Variants in CSMD3 observed in about 807,000 individuals in gnomAD.
CSMD3 encodes the protein CUB and Sushi multiple domains 3, also known as CUB and sushi domain-containing protein 3.
In CSMD3, 177 loss-of-function variants were observed where a neutral mutation model predicts 435.2. The ratio of observed to expected loss-of-function variants is 0.41; its 90% CI spans 0.36 to 0.46. The LOEUF (loss-of-function observed/expected upper bound fraction) is 0.46, where lower values mean the gene tolerates loss of function less well. Ranked by LOEUF, CSMD3 falls within the 20% of genes least tolerant of loss-of-function variation. CSMD3 has a pLI of 0.34. For synonymous variants in CSMD3, 1,656 were observed against 1,520.5 expected (o/e 1.09, Z -2.07); for missense variants, 4,265 against 4,504.6 (o/e 0.95, Z 1.52).
chr8:113,159,121 T>A (rs925654495), intron 4 of CSMD3, among the ~76,000 whole-genome samples: 1 of 152,038 alleles, frequency 6.6e-6, no homozygotes, highest in South Asian at 2.1e-4. Context: ...TTTACAAATA[T>A]TTTTGTTCAT....
At chr8:113,114,877 A>T (rs75373687) in intron 4 of CSMD3, among the ~76,000 whole-genome samples, 1,535 of 152,330 alleles carry the variant, frequency 0.01, 20 homozygotes, top group African/African-American at 0.035. Flanking sequence ...AAGTTTGCAA[A>T]AAGCATCAAG....
intron 13 of CSMD3, among the ~76,000 whole-genome samples, chr8:112,736,524 A>G (rs1440032417): frequency 6.6e-6 from 1 of 151,806 alleles, no homozygotes; most frequent in East Asian, 1.9e-4. Flanking sequence ...TCTCCATTTC[A>G]CTGCTTGGCA....
chr8:112,869,738 T>C (rs927325766), intron 10 of CSMD3, among the ~76,000 whole-genome samples: 5 of 152,148 alleles, frequency 3.3e-5, no homozygotes, highest in Non-Finnish European at 7.3e-5. Flanking sequence ...TGCAGGGACA[T>C]GGATGAAGCT....
chr8:112,483,077 A>T (rs1819787305), intron 31 of CSMD3, among the ~76,000 whole-genome samples: 1 of 152,220 alleles, frequency 6.6e-6, no homozygotes, highest in South Asian at 2.1e-4. Context: ...GACAAAATGT[A>T]AATTATTAAT....
rs560192074 is a variant in CSMD3 at position 113,025,736 on chromosome 8, G to T, written c.918-6557C>A. 2.0e-5 allele frequency among the ~76,000 whole-genome samples: 3 copies of T among 152,248 alleles called. No homozygotes were observed. In the East Asian group the frequency reaches 5.8e-4, roughly 30 times the overall value. On this transcript the variant is annotated intron_variant, in intron 5 of 70. Coordinates refer to ENST00000297405, the MANE Select transcript of CSMD3 (RefSeq NM_198123.2). ...AGGCACACATGGGTGTGATAGGTAA[G>T]CCATCTCTGTGGTGATTTTCTGGGG...
intron 1 of CSMD3, among the ~76,000 whole-genome samples, chr8:113,317,719 C>T (rs1319124094): frequency 1.3e-5 from 2 of 152,108 alleles, no homozygotes; most frequent in Admixed American, 1.3e-4. Flanking sequence ...ATTTATGCTT[C>T]ACAGGGTTGG....
chr8:113,255,232 T>C (rs1413511225), intron 3 of CSMD3, among the ~76,000 whole-genome samples: 1 of 152,142 alleles, frequency 6.6e-6, no homozygotes, highest in African/African-American at 2.4e-5. Flanking sequence ...AAAGTAAAAC[T>C]AGACATTGAG....
chr8:112,773,284 A>G (rs2132208256), intron 13 of CSMD3, among the ~76,000 whole-genome samples: 1 of 152,176 alleles, frequency 6.6e-6, no homozygotes, highest in East Asian at 1.9e-4. Context: ...AAATGATGAA[A>G]CAGAACTATT....
chr8:112,973,836 C>G (rs1245573431), intron 7 of CSMD3, among the ~76,000 whole-genome samples: 1 of 151,752 alleles, frequency 6.6e-6, no homozygotes, highest in Non-Finnish European at 1.5e-5. Context: ...GAAGAAGAAA[C>G]AGAAGAACCA....
intron 1 of CSMD3, among the ~76,000 whole-genome samples, chr8:113,427,588 A>C (rs961564590): frequency 6.6e-6 from 1 of 151,476 alleles, no homozygotes; most frequent in African/African-American, 2.4e-5. Context: ...AAGTCATTTC[A>C]TTTCTCTGGC....
intron 2 of CSMD3, among the ~76,000 whole-genome samples, chr8:113,287,958 C>T (rs2093658667): frequency 6.6e-6 from 1 of 151,734 alleles, no homozygotes; most frequent in African/African-American, 2.4e-5. Context: ...TTGGTCTGAG[C>T]ACTGAGAAAT....
At chr8:112,331,230 G>T (rs947558905) in intron 45 of CSMD3, among the ~76,000 whole-genome samples, 2 of 151,878 alleles carry the variant, frequency 1.3e-5, no homozygotes, top group East Asian at 3.9e-4. Context: ...CATTAATTAG[G>T]ACTGAATATT....
intron 3 of CSMD3, among the ~76,000 whole-genome samples, chr8:113,190,932 T>C (rs78609281): frequency 1.8e-3 from 278 of 151,986 alleles, no homozygotes; most frequent in East Asian, 9.2e-3. Flanking sequence ...ATTGTTTAAA[T>C]CTCTTTCTAA....
Position 112,517,148 on chromosome 8 carries a change from C to T in CSMD3, c.4642G>A (p.Asp1548Asn), listed in dbSNP as rs2130989071. ...TRNGDGREPG[D>N]TVVFQCDPGY... ...GGGTCACATTGAAAAACAACAGTGT[C>T]CCCAGGTTCTCTTCCATCCCCATTT... The change falls in exon 28 of 71, where the codon GAC becomes AAC. Residue 1548 changes from aspartate (D) to asparagine (N), a missense_variant. By Grantham distance (23) the Asp-to-Asn change is conservative. Transcript: ENST00000297405. 1 of 1,613,580 alleles carries T rather than the reference C, an allele frequency of 6.2e-7. No homozygotes were observed.
chr8:112,436,849 A>G (rs1814411405), intron 32 of CSMD3, among the ~76,000 whole-genome samples: 1 of 152,088 alleles, frequency 6.6e-6, no homozygotes, highest in Non-Finnish European at 1.5e-5. Context: ...AAATCAGTCT[A>G]TCAATAAAAG....
At chr8:112,664,188 T>C (rs996813099) in intron 17 of CSMD3, among the ~76,000 whole-genome samples, 1 of 152,150 alleles carries the variant, frequency 6.6e-6, no homozygotes, top group African/African-American at 2.4e-5. Flanking sequence ...TATAAATATA[T>C]ATGAGATTAA....
chr8:112,876,611 G>A (rs2081288852), intron 10 of CSMD3, among the ~76,000 whole-genome samples: 1 of 151,974 alleles, frequency 6.6e-6, no homozygotes, highest in African/African-American at 2.4e-5. Flanking sequence ...ATGCATAAAA[G>A]GCCTTCGATA....
At chr8:113,076,713 C>T (rs1259327973) in intron 5 of CSMD3, among the ~76,000 whole-genome samples, 2 of 151,722 alleles carry the variant, frequency 1.3e-5, no homozygotes, top group Non-Finnish European at 2.9e-5. Context: ...TCCTCAGGTA[C>T]AAGGGTAAAA....
intron 49 of CSMD3, among the ~76,000 whole-genome samples, chr8:112,311,543 G>A (rs1821979526): frequency 6.6e-6 from 1 of 152,088 alleles, no homozygotes; most frequent in South Asian, 2.1e-4. Flanking sequence ...ATATTTTAGA[G>A]CATGTCGTTT....
Sources: allele counts gnomAD v4.1 joint callset (sites outside exome capture counted in the v4.1 genomes callset), GRCh38; gene constraint gnomAD v4.1.1; transcripts MANE v1.5; gene names NCBI Gene and HGNC (gene_info 2026-07-23, HGNC 2026-07-21).